The following HOXD11 variants were observed in gnomAD, a reference collection of about 807,000 sequenced individuals.
The protein encoded by HOXD11 is homeobox protein Hox-D11.
HOXD11 carries 16 observed loss-of-function variants against 23.1 expected under a neutral mutation model. That is an observed-to-expected ratio of 0.69 (90% CI 0.47 to 1.05). HOXD11 has a LOEUF of 1.05. HOXD11 is among the 50% of genes least tolerant of loss of function. The pLI, the probability that HOXD11 is intolerant of heterozygous loss-of-function variation, is 0.00. For synonymous variants in HOXD11, 262 were observed against 224.4 expected (o/e 1.17, Z -1.50); for missense variants, 564 against 495.6 (o/e 1.14, Z -1.31).
chr2:176,114,847 AC>A, the HOXD11 span, among the ~76,000 whole-genome samples: 1 of 152,236 alleles, frequency 6.6e-6, no homozygotes, highest in Non-Finnish European at 1.5e-5. Context: ...CCCAGCGAGT[AC>A]GGGGAAAAGA....
At chr2:176,114,328 CT>C (rs749199193), downstream of HOXD11, among the ~76,000 whole-genome samples, 26 of 152,222 alleles carry the variant, frequency 1.7e-4, no homozygotes, top group South Asian at 6.2e-4. Context: ...TATGTTTTGT[CT>C]TGTTTTGTTT....
chr2:176,115,513 TG>T, the HOXD11 span, among the ~76,000 whole-genome samples: 1 of 152,256 alleles, frequency 6.6e-6, no homozygotes, highest in African/African-American at 2.4e-5. Context: ...TCGATTGATT[TG>T]TTAATAAAGT....
In HOXD11 at chr2:176,108,887, C is replaced by G; in HGVS notation, c.782-20C>G. ...GTCAGGCAGCGGCCTCTCTCACCCCCTGGTCTCTTTGCCTTGCAGTTGCCC... is the reference window on the plus strand; with the variant it reads ...GTCAGGCAGCGGCCTCTCTCACCCCGTGGTCTCTTTGCCTTGCAGTTGCCC... On this transcript the variant is annotated intron_variant, in intron 1 of 1. Transcript: ENST00000249504. 1 of 1,580,892 alleles carries G rather than the reference C, an allele frequency of 6.3e-7. No individual in the cohort carries two copies. Among genetic ancestry groups the G allele is most frequent in the Non-Finnish European group, 8.7e-7 (1 of 1,150,246 alleles).
chr2:176,114,029 C>T, downstream of HOXD11, among the ~76,000 whole-genome samples: 1 of 152,140 alleles, frequency 6.6e-6, no homozygotes, highest in Admixed American at 6.5e-5. Flanking sequence ...ATAAAATTCC[C>T]GATTAGATTA....
At chr2:176,110,450 T>A (rs1274753617), downstream of HOXD11, among the ~76,000 whole-genome samples, 1 of 152,214 alleles carries the variant, frequency 6.6e-6, no homozygotes, top group East Asian at 1.9e-4. Flanking sequence ...AAGTGAATCT[T>A]ATGAGTCTTA....
chr2:176,107,330 C>G lies in HOXD11; in HGVS notation c.-26C>G, dbSNP rs1266510695. On this transcript the variant is annotated 5_prime_UTR_variant, in exon 1 of 2. Coordinates refer to ENST00000249504, the MANE Select transcript of HOXD11 (RefSeq NM_021192.3). ...TGGCTGCGCGGGGAGCGGCCAGAGG[C>G]TCGCTGGCGCGCACGCCGCGGAGTC... 9.0e-6 allele frequency: 14 copies of G among 1,556,322 alleles called. No individual in the cohort carries two copies. The highest frequency in any genetic ancestry group is 1.1e-5 in the Non-Finnish European group (13 of 1,153,134).
downstream of HOXD11, among the ~76,000 whole-genome samples, chr2:176,111,843 A>AAAAAAAAAAAAAAAC (rs1559115548): frequency 8.8e-5 from 13 of 148,206 alleles, no homozygotes; most frequent in African/African-American, 3.3e-4. Context: ...AAAAAAAAAA[A>AAAAAAAAAAAAAAAC]AAAAAACCTT....
chr2:176,107,909 C>G lies in HOXD11; in HGVS notation c.554C>G (p.Ala185Gly). ...GGCTTCGACCAGTTCTACGAGGCAG[C>G]GCCCGGGCCCCCGTTCGCCGGGCCG... is the stretch of plus-strand genomic sequence containing the variant. ...PQGFDQFYEAAPGPPFAGPQP... is the reference protein window; with the variant it reads ...PQGFDQFYEAGPGPPFAGPQP... Residue 185 changes from alanine (A) to glycine (G), a missense_variant, in exon 1 of 2, where the codon GCG (alanine) becomes GGG (glycine). Ala to Gly is a moderately conservative substitution (Grantham distance 60, BLOSUM62 0). Coordinates refer to ENST00000249504, the MANE Select transcript of HOXD11 (RefSeq NM_021192.3). The G allele has an allele frequency of 7.0e-7, 1 of 1,433,744 alleles. No individual in the cohort carries two copies. The highest frequency in any genetic ancestry group is 9.2e-7 in the Non-Finnish European group (1 of 1,092,474). 88.8% of individuals were successfully genotyped at this position (1,433,744 alleles called of 1,614,324 possible).
In HOXD11 at chr2:176,107,913, C is replaced by T. The variant is rs1325326191; in HGVS notation, c.558C>T (p.Pro186=). 1 of 1,430,896 alleles carries T rather than the reference C, an allele frequency of 7.0e-7. No homozygotes were observed. Among genetic ancestry groups the T allele is most frequent in the Non-Finnish European group, 9.2e-7 (1 of 1,091,484 alleles). The allele number at this position is 1,430,896 out of a possible 1,614,324, so 88.6% of individuals were successfully genotyped here. A position where few individuals can be genotyped will look rare whatever the true frequency, so the allele number is the denominator to read the frequency against. The part of the protein sequence containing the change: ...QGFDQFYEAA[P]GPPFAGPQPP... Reference sequence around the variant, plus strand: ...TCGACCAGTTCTACGAGGCAGCGCCCGGGCCCCCGTTCGCCGGGCCGCAGC... The same window carrying T: ...TCGACCAGTTCTACGAGGCAGCGCCTGGGCCCCCGTTCGCCGGGCCGCAGC... The change falls in exon 1 of 2, where the codon CCC becomes CCT. Residue 186 remains proline, a synonymous_variant. Coordinates refer to ENST00000249504, the MANE Select transcript of HOXD11 (RefSeq NM_021192.3).
downstream of HOXD11, among the ~76,000 whole-genome samples, chr2:176,114,099 C>T (rs553896811): frequency 1.9e-4 from 29 of 152,354 alleles, no homozygotes; most frequent in South Asian, 5.6e-3. Flanking sequence ...AGCAGCTCTT[C>T]TGGCCAAGAG....
At chr2:176,112,152 G>T (rs772414860), downstream of HOXD11, among the ~76,000 whole-genome samples, 3 of 152,214 alleles carry the variant, frequency 2.0e-5, no homozygotes, top group Admixed American at 1.3e-4. Flanking sequence ...GTAAAACGGG[G>T]AATGTATTTG....
rs755835206 is a variant in HOXD11 at position 176,107,576 on chromosome 2, C to G, written c.221C>G (p.Pro74Arg). The G allele has an allele frequency of 4.1e-6, 6 of 1,455,652 alleles. No homozygotes were observed. Among genetic ancestry groups the G allele is most frequent in the Non-Finnish European group, 5.5e-6 (6 of 1,094,562 alleles). The allele number at this position is 1,455,652 out of a possible 1,614,324, so 90.2% of individuals were successfully genotyped here. The stretch of plus-strand genomic sequence containing the variant: ...TACGGCCTGGAGCGCGCCAAGTGGC[C>G]GTACCGCGGCGGCGGCGGCGGCGGC... ...RDYGLERAKW[P>R]YRGGGGGGSA... The change falls in exon 1 of 2, where the codon CCG becomes CGG. Residue 74 changes from proline (P) to arginine (R), a missense_variant. Transcript: ENST00000249504.
At chr2:176,112,354 C>T (rs546983199), downstream of HOXD11, among the ~76,000 whole-genome samples, 20 of 152,290 alleles carry the variant, frequency 1.3e-4, no homozygotes, top group African/African-American at 4.3e-4. Flanking sequence ...GACAGGGCTC[C>T]CCGACATTGG....
the HOXD11 span, among the ~76,000 whole-genome samples, chr2:176,115,048 G>A: frequency 6.6e-6 from 1 of 152,280 alleles, no homozygotes; most frequent in Admixed American, 6.5e-5. Flanking sequence ...CGAGGCCCGG[G>A]CTTCCGCAGG....
At position 176,109,102 on chromosome 2, in the gene HOXD11, G is replaced by A; in HGVS notation, c.977G>A (p.Arg326Lys). The change falls in exon 2 of 2, where the codon AGA (arginine) becomes AAA (lysine). Residue 326 changes from arginine to lysine, a missense_variant. Physicochemically the swap from Arg to Lys is conservative, Grantham distance 26 (BLOSUM62 2). Transcript: ENST00000249504. Reference protein sequence around the residue: ...NRRMKEKKLNRDRLQYFTGNP... With the variant: ...NRRMKEKKLNKDRLQYFTGNP... ...AGGATGAAAGAAAAGAAACTGAACA[G>A]AGACCGTCTGCAGTATTTCACTGGA... The A allele has an allele frequency of 6.2e-7, 1 of 1,614,050 alleles. No homozygotes were observed. Among genetic ancestry groups the A allele is most frequent in the Admixed American group, 1.7e-5 (1 of 60,028 alleles).
At chr2:176,114,869 G>A in the HOXD11 span, among the ~76,000 whole-genome samples, 2 of 152,234 alleles carry the variant, frequency 1.3e-5, no homozygotes, top group Admixed American at 1.3e-4. Context: ...GAACACAGAT[G>A]CCCTCCCGGA....
chr2:176,108,174 GCC>G, intron 1 of HOXD11, 38 bp downstream of exon 1: 1 of 1,094,552 alleles, frequency 9.1e-7, no homozygotes. Context: ...GGGCCCGGGG[GCC>G]GCGGGGGAGG....
rs1352896143 is a variant in HOXD11, at chr2:176,107,660, G to T, written c.305G>T (p.Gly102Val). Residue 102 changes from glycine (G) to valine (V), a missense_variant, in exon 1 of 2, where the codon GGC becomes GTC. Transcript: ENST00000249504. Reference sequence around the variant, plus strand: ...GGCGGGGGCGGCGGCGGCGCGGGGGGCTACGCTCCCTACTACGCGGCGGCG... The same window carrying T: ...GGCGGGGGCGGCGGCGGCGCGGGGGTCTACGCTCCCTACTACGCGGCGGCG... ...GPGGGGGGAGGYAPYYAAAAA... is the reference protein window; with the variant it reads ...GPGGGGGGAGVYAPYYAAAAA... 2.0e-6 allele frequency: 2 copies of T among 978,910 alleles called. No individual in the cohort carries two copies. Among genetic ancestry groups the T allele is most frequent in the Non-Finnish European group, 2.4e-6 (2 of 825,810 alleles). The allele number at this position is 978,910 out of a possible 1,614,324, so 60.6% of individuals were successfully genotyped here. A position where few individuals can be genotyped will look rare whatever the true frequency, so the allele number is the denominator to read the frequency against.
chr2:176,112,955 A>G (rs1574951252), downstream of HOXD11, among the ~76,000 whole-genome samples: 1 of 152,278 alleles, frequency 6.6e-6, no homozygotes, highest in East Asian at 1.9e-4. Context: ...CTTGGATCCT[A>G]AGGCGCCAAG....
Sources: gnomAD v4.1 joint callset for allele counts (sites outside exome capture counted in the v4.1 genomes callset) on GRCh38, gnomAD v4.1.1 for gene constraint, MANE v1.5 for transcripts, NCBI Gene and HGNC (gene_info 2026-07-23, HGNC 2026-07-21) for gene names.